NRG1: variants seen among roughly 807,000 people sequenced by gnomAD.
NRG1 encodes pro-neuregulin-1, membrane-bound isoform.
NRG1 carries 18 observed loss-of-function variants against 63.8 expected under a neutral mutation model. The observed-to-expected ratio is 0.28, with a 90% CI of 0.19 to 0.42. The LOEUF (loss-of-function observed/expected upper bound fraction) is 0.42. Among genes scored for constraint, NRG1 ranks in the 10% least tolerant of loss-of-function variants. The pLI is 1.00. For missense variants in NRG1, 762 were observed against 814.7 expected (o/e 0.94, Z 0.79); for synonymous variants, 302 against 301.3 (o/e 1.00, Z -0.02).
intron 1 of NRG1, among the ~76,000 whole-genome samples, chr8:31,838,538 C>T (rs566955122): frequency 6.6e-5 from 10 of 152,162 alleles, no homozygotes; most frequent in Middle Eastern, 3.4e-3. Context: ...TAGAGACTTT[C>T]GAAAAGCATT....
In NRG1 at chr8:32,140,258, CA is replaced by C. The variant is rs1204657441; in HGVS notation, c.38-455569del. ...GCAATGTCATTAAGCAGTGGTGTAT[CA>C]TTTTTTTTTAATGCAGAAACTAAAC... On this transcript the variant is annotated intron_variant, in intron 1 of 10. Coordinates refer to the NRG1 transcript ENST00000519301. 2.6e-5 allele frequency among the ~76,000 whole-genome samples: 4 copies of C among 152,096 alleles called. No individual in the cohort carries two copies. In the South Asian group the frequency reaches 6.2e-4, roughly 24 times the overall value.
At chr8:32,587,056 A>C (rs1294978980) in intron 1 of NRG1, among the ~76,000 whole-genome samples, 2 of 152,112 alleles carry the variant, frequency 1.3e-5, no homozygotes, top group African/African-American at 4.8e-5. Flanking sequence ...CAAAACAAAA[A>C]GCCCAGCGTG....
intron 1 of NRG1, among the ~76,000 whole-genome samples, chr8:32,141,124 GA>G (rs1211823552): frequency 6.6e-6 from 1 of 151,984 alleles, no homozygotes; most frequent in Non-Finnish European, 1.5e-5. Flanking sequence ...TAATTCTTAG[GA>G]AACTTCATAT....
At chr8:32,716,323 G>C (rs1589381285) in intron 5 of NRG1, among the ~76,000 whole-genome samples, 1 of 152,324 alleles carries the variant, frequency 6.6e-6, no homozygotes. Context: ...GCATGGAAAT[G>C]TGAGGAACCG....
intron 7 of NRG1, among the ~76,000 whole-genome samples, chr8:32,748,226 A>G (rs1827861025): frequency 6.6e-6 from 1 of 152,050 alleles, no homozygotes; most frequent in South Asian, 2.1e-4. Context: ...TAGCCCTTGT[A>G]TCTCTCGAGG....
At chr8:32,487,517 A>T (rs1373894016) in intron 1 of NRG1, among the ~76,000 whole-genome samples, 1 of 151,934 alleles carries the variant, frequency 6.6e-6, no homozygotes, top group African/African-American at 2.4e-5. Context: ...TTTTGATTCC[A>T]CTAGGGTGGG....
chr8:32,325,630 C>T (rs28735085), intron 1 of NRG1, among the ~76,000 whole-genome samples: 14,006 of 152,198 alleles, frequency 0.092, 890 homozygotes, highest in Middle Eastern at 0.18. Context: ...TCTCCTGCCT[C>T]GGCTTCCCAA....
At chr8:32,538,708 C>CATTCCGAAGCTGAATTA (rs1832273399) in intron 1 of NRG1, among the ~76,000 whole-genome samples, 1 of 152,202 alleles carries the variant, frequency 6.6e-6, no homozygotes, top group Admixed American at 6.5e-5. Flanking sequence ...GCAGCCCAAT[C>CATTCCGAAGCTGAATTA]ATTCCGAAGC....
intron 1 of NRG1, among the ~76,000 whole-genome samples, chr8:32,160,011 A>G (rs1309133213): frequency 6.6e-6 from 1 of 152,172 alleles, no homozygotes; most frequent in African/African-American, 2.4e-5. Flanking sequence ...AAAATAAATA[A>G]GTATGTGAGT....
chr8:31,937,330 C>T (rs1009028923), intron 1 of NRG1, among the ~76,000 whole-genome samples: 1 of 151,952 alleles, frequency 6.6e-6, no homozygotes, highest in Non-Finnish European at 1.5e-5. Context: ...GAAAGTATAA[C>T]ATTTTAAATA....
chr8:31,730,145 T>C (rs1427339659), intron 1 of NRG1, among the ~76,000 whole-genome samples: 1 of 152,118 alleles, frequency 6.6e-6, no homozygotes, highest in Non-Finnish European at 1.5e-5. Flanking sequence ...TAATCCAAAA[T>C]TGGTTAGATT....
intron 1 of NRG1, among the ~76,000 whole-genome samples, chr8:32,238,401 G>A (rs1459255102): frequency 6.7e-6 from 1 of 150,090 alleles, no homozygotes; most frequent in Non-Finnish European, 1.5e-5. Flanking sequence ...ATTGCAGTGA[G>A]CCAAGATTGT....
chr8:32,608,733 A>C (rs1051582391), intron 3 of NRG1, among the ~76,000 whole-genome samples: 5 of 151,810 alleles, frequency 3.3e-5, no homozygotes, highest in African/African-American at 1.2e-4. Flanking sequence ...TCTACCTTTA[A>C]TATGCTTCTG....
intron 1 of NRG1, among the ~76,000 whole-genome samples, chr8:32,353,392 T>G (rs887502745): frequency 6.6e-6 from 1 of 151,732 alleles, no homozygotes; most frequent in Non-Finnish European, 1.5e-5. Flanking sequence ...AAATTTACAA[T>G]TATAGAGCTA....
At chr8:32,213,876 G>T (rs1844942531) in intron 1 of NRG1, among the ~76,000 whole-genome samples, 1 of 152,146 alleles carries the variant, frequency 6.6e-6, no homozygotes, top group African/African-American at 2.4e-5. Context: ...AACTCCAAGG[G>T]CTGGTAAGAC....
chr8:32,230,723 T>C (rs1408241989), intron 1 of NRG1, among the ~76,000 whole-genome samples: 3 of 152,168 alleles, frequency 2.0e-5, no homozygotes, highest in African/African-American at 7.2e-5. Flanking sequence ...CAGGATCTTT[T>C]AAAAAATTAT....
intron 1 of NRG1, among the ~76,000 whole-genome samples, chr8:32,199,803 G>A (rs930630017): frequency 6.6e-6 from 1 of 151,364 alleles, no homozygotes; most frequent in African/African-American, 2.4e-5. Context: ...TTTTTGAGTG[G>A]AGTTTCACTC....
intron 1 of NRG1, among the ~76,000 whole-genome samples, chr8:31,757,708 A>G (rs1193319135): frequency 6.6e-6 from 1 of 152,120 alleles, no homozygotes; most frequent in Admixed American, 6.6e-5. Flanking sequence ...AGGGAAGAAA[A>G]TAGATGGTGT....
At chr8:32,300,932 A>G (rs969308162) in intron 1 of NRG1, among the ~76,000 whole-genome samples, 1 of 152,228 alleles carries the variant, frequency 6.6e-6, no homozygotes, top group Non-Finnish European at 1.5e-5. Context: ...TCTGTAAGCT[A>G]CATCTACATT....
Sources: allele counts gnomAD v4.1 joint callset (sites outside exome capture counted in the v4.1 genomes callset), GRCh38; gene constraint gnomAD v4.1.1; transcripts MANE v1.5; gene names NCBI Gene and HGNC (gene_info 2026-07-23, HGNC 2026-07-21).